EWSR1: variants seen among roughly 807,000 people sequenced by gnomAD.
EWSR1 encodes the protein EWS RNA binding protein 1.
In EWSR1, 14 loss-of-function variants were observed where a neutral mutation model predicts 92.1. That is an observed-to-expected ratio of 0.15 (90% CI 0.10 to 0.24). EWSR1 has a LOEUF of 0.24. Ranked by LOEUF, EWSR1 falls within the 10% of genes least tolerant of loss-of-function variation. The pLI is 1.00. For missense variants in EWSR1, 637 were observed against 870.9 expected, an observed-to-expected ratio of 0.73 and a Z score of 3.38; for synonymous variants, 303 against 292.9, an observed-to-expected ratio of 1.03 and a Z score of -0.35.
chr22:29,300,389 T>TA lies in EWSR1; in HGVS notation c.*230dup. The TA allele has an allele frequency of 4.2e-6, 2 of 479,478 alleles. No homozygotes were observed. Among genetic ancestry groups the TA allele is most frequent in the East Asian group, 6.8e-5 (2 of 29,386 alleles). The allele number at this position is 479,478 out of a possible 1,614,324, so 29.7% of individuals were successfully genotyped here. A position where few individuals can be genotyped will look rare whatever the true frequency, so the allele number is the denominator to read the frequency against. ...TTTTAAAAATGGTTGTTTAAGACTT[T>TA]AACAATGGGAACCCCTTGTGAGCAT... On this transcript the variant is annotated 3_prime_UTR_variant, in exon 17 of 17. Coordinates refer to ENST00000397938, the MANE Select transcript of EWSR1 (RefSeq NM_005243.4).
At chr22:29,300,016 TCCCATTCTAAC>T in intron 16 of EWSR1, 95 bp from the exon 17 acceptor site, 1 of 582,486 alleles carries the variant, frequency 1.7e-6, no homozygotes. Flanking sequence ...CCTCACCCCT[TCCCATTCTAAC>T]CGATTGGGAG....
intron 11 of EWSR1, 49 bp downstream of exon 11, chr22:29,292,655 GCAT>G: frequency 8.2e-7 from 1 of 1,213,280 alleles, no homozygotes; most frequent in Non-Finnish European, 1.2e-6. Flanking sequence ...AAACCACAGA[GCAT>G]TTTAAAGAGA....
rs117167530 is a variant in EWSR1, at chr22:29,277,824, C to G, written c.227-206C>G. On this transcript the variant is annotated intron_variant, in intron 4 of 16. Coordinates refer to ENST00000397938, the MANE Select transcript of EWSR1 (RefSeq NM_005243.4). Reference sequence around the variant, plus strand: ...AGGTGTGGTTTTAGAGCAAATGAGACAGTTACTTTACCAAAAACTAGGTAC... The same window carrying G: ...AGGTGTGGTTTTAGAGCAAATGAGAGAGTTACTTTACCAAAAACTAGGTAC... 1.7e-3 allele frequency: 940 copies of G among 543,078 alleles called. 7 individuals carry two copies. The highest frequency in any genetic ancestry group is 1.4e-3 in the Non-Finnish European group (440 of 304,144). The allele number at this position is 543,078 out of a possible 1,614,324, so 33.6% of individuals were successfully genotyped here.
chr22:29,288,499 C>A (rs2060216967), intron 7 of EWSR1, 107 bp from the exon 8 acceptor site: 2 of 1,061,390 alleles, frequency 1.9e-6, no homozygotes, highest in East Asian at 2.5e-5. Context: ...GAAGATGGTG[C>A]CTTGGTTAGT....
At chr22:29,272,573 G>A (rs2058764149) in intron 3 of EWSR1, 142 bp downstream of exon 3, 1 of 821,514 alleles carries the variant, frequency 1.2e-6, no homozygotes, top group South Asian at 1.7e-5. Flanking sequence ...CTTTCACAGT[G>A]GGAGTGCGAA....
chr22:29,278,121 C>T lies in EWSR1; in HGVS notation c.318C>T (p.Thr106=), dbSNP rs749826758. 3.0e-5 allele frequency: 48 copies of T among 1,614,170 alleles called. No homozygotes were observed. The highest frequency in any genetic ancestry group is 4.1e-5 in the Non-Finnish European group (48 of 1,180,020). ...GAYDTTTATV[T]TTQASYAAQS... ...ATGATACCACCACTGCTACAGTCAC[C>T]ACCACCCAGGCCTCCTATGCAGCTC... The change falls in exon 5 of 17, where the codon ACC becomes ACT. Residue 106 remains threonine (T), a synonymous_variant. Transcript: ENST00000397938.
chr22:29,293,474 A>G (rs974905504), intron 11 of EWSR1, among the ~76,000 whole-genome samples: 6 of 152,396 alleles, frequency 3.9e-5, no homozygotes, highest in South Asian at 2.1e-4. Flanking sequence ...TACTAAATCT[A>G]TGAAGTAATT....
In EWSR1 at chr22:29,296,322, C is replaced by T. The variant is rs778774026; in HGVS notation, c.1248C>T (p.Ser416=). 9.3e-6 allele frequency: 15 copies of T among 1,614,216 alleles called. No individual in the cohort carries two copies. The highest frequency in any genetic ancestry group is 1.6e-4 in the Middle Eastern group (1 of 6,062). ...TGKPKGDATV[S]YEDPPTAKAA... is the part of the protein sequence containing the mutation. The stretch of plus-strand genomic sequence containing the variant: ...AGCCCAAAGGCGATGCCACAGTGTC[C>T]TATGAAGACCCACCCACTGCCAAGG... The change falls in exon 12 of 17, where the codon TCC becomes TCT. Residue 416 remains serine (S), a synonymous_variant. Transcript: ENST00000397938.
intron 1 of EWSR1, among the ~76,000 whole-genome samples, chr22:29,268,991 C>T (rs914014519): frequency 1.3e-5 from 2 of 152,204 alleles, no homozygotes; most frequent in East Asian, 1.9e-4. Context: ...TGCTTCCCTC[C>T]TCCAGGGCCC....
At chr22:29,297,999 C>G (rs747486736) in intron 13 of EWSR1, 50 bp downstream of exon 13, 1 of 1,561,088 alleles carries the variant, frequency 6.4e-7, no homozygotes. Flanking sequence ...CAGTACACTT[C>G]ATACCCTTGA....
intron 14 of EWSR1, 77 bp from the exon 15 acceptor site, chr22:29,299,157 C>T: frequency 6.8e-6 from 11 of 1,611,944 alleles, no homozygotes; most frequent in Non-Finnish European, 9.3e-6. Context: ...GAGTGTGTAC[C>T]TGTTCACACA....
chr22:29,277,702 T>C (rs1402354594), intron 4 of EWSR1: 4 of 288,518 alleles, frequency 1.4e-5, no homozygotes, highest in Non-Finnish European at 2.6e-5. Context: ...GCAAAATCAG[T>C]ACAGACTTGG....
intron 7 of EWSR1, among the ~76,000 whole-genome samples, chr22:29,287,446 G>A (rs1247133749): frequency 6.6e-6 from 1 of 152,168 alleles, no homozygotes; most frequent in Admixed American, 6.5e-5. Context: ...GACCTCAGGT[G>A]ATCCTCCCGC....
chr22:29,299,491 G>A, intron 15 of EWSR1, 108 bp from the exon 16 acceptor site: 1 of 1,493,156 alleles, frequency 6.7e-7, no homozygotes, highest in Non-Finnish European at 8.9e-7. Context: ...TGAGTGAAGT[G>A]TCTGGTTTGT....
chr22:29,287,413 G>A (rs2060127881), intron 7 of EWSR1, among the ~76,000 whole-genome samples: 1 of 152,150 alleles, frequency 6.6e-6, no homozygotes, highest in Non-Finnish European at 1.5e-5. Flanking sequence ...TCACCATGTT[G>A]GTCAGGCTGG....
chr22:29,299,235 G>A lies in EWSR1; in HGVS notation c.1582G>A (p.Gly528Ser). ...RAGDWQCPNP[G>S]CGNQNFAWRT... ...CTGCTGTGATGTAATTGTATGCAGG[G>A]GTTGTGGAAACCAGAACTTCGCCTG... Residue 528 changes from glycine to serine, a missense_variant and splice_region_variant, in exon 15 of 17, where the codon GGT becomes AGT. Transcript: ENST00000397938. 1.2e-6 allele frequency: 2 copies of A among 1,614,052 alleles called. No homozygotes were observed. The highest frequency in any genetic ancestry group is 2.2e-5 in the East Asian group (1 of 44,876).
At position 29,286,903 on chromosome 22, in the gene EWSR1, TTCTC is replaced by T; in HGVS notation, c.582-18_582-15del. ...TCTTTCTAAAAAAGCTTTTTTTTTT[TTCTC>T]TTCTCTCTCTTTCAGCTATTCCTCT... On this transcript the variant is annotated splice_polypyrimidine_tract_variant and intron_variant, in intron 6 of 16. Coordinates refer to ENST00000397938, the MANE Select transcript of EWSR1 (RefSeq NM_005243.4). 6.3e-7 allele frequency: 1 copy of T among 1,588,360 alleles called. No homozygotes were observed. The highest frequency in any genetic ancestry group is 8.6e-7 in the Non-Finnish European group (1 of 1,167,988).
At chr22:29,293,527 T>C (rs1045891940) in intron 11 of EWSR1, among the ~76,000 whole-genome samples, 2 of 151,848 alleles carry the variant, frequency 1.3e-5, no homozygotes, top group East Asian at 3.9e-4. Context: ...GATCTTTTTT[T>C]CCCCATGAAG....
In EWSR1 at chr22:29,299,720, T is replaced by A; in HGVS notation, c.1800T>A (p.Arg600=). The A allele has an allele frequency of 6.2e-7, 1 of 1,612,258 alleles. No homozygotes were observed. The highest frequency in any genetic ancestry group is 1.7e-5 in the Admixed American group (1 of 59,860). ...GTGGTGGAGACAGAGGTGGCTTCCGTGGTGGCCGGGGCATGGACCGAGGTG... is the reference window on the plus strand; with the variant it reads ...GTGGTGGAGACAGAGGTGGCTTCCGAGGTGGCCGGGGCATGGACCGAGGTG... ...GGRGGDRGGF[R]GGRGMDRGGF... is the part of the protein sequence containing the mutation. Residue 600 remains arginine, a synonymous_variant, in exon 16 of 17, where the codon CGT becomes CGA. Coordinates refer to ENST00000397938, the MANE Select transcript of EWSR1 (RefSeq NM_005243.4).
Sources: gnomAD v4.1 joint callset for allele counts (sites outside exome capture counted in the v4.1 genomes callset) on GRCh38, gnomAD v4.1.1 for gene constraint, MANE v1.5 for transcripts, NCBI Gene and HGNC (gene_info 2026-07-23, HGNC 2026-07-21) for gene names.